The following FREM3 variants were observed in gnomAD, a reference collection of about 807,000 sequenced individuals.
FREM3 encodes FRAS1-related extracellular matrix protein 3.
A neutral mutation model predicts 129.1 loss-of-function variants in FREM3; 105 were observed. The ratio of observed to expected loss-of-function variants is 0.81; its 90% CI spans 0.69 to 0.96. The LOEUF (loss-of-function observed/expected upper bound fraction) is 0.96, where lower values mean the gene tolerates loss of function less well. FREM3 is among the 40% of genes least tolerant of loss of function. The pLI, the probability that FREM3 is intolerant of heterozygous loss-of-function variation, is 0.00. For synonymous variants in FREM3, 1,014 were observed against 1,044.9 expected, an observed-to-expected ratio of 0.97 and a Z score of 0.57; for missense variants, 2,593 against 2,666.3, an observed-to-expected ratio of 0.97 and a Z score of 0.61.
At position 143,697,454 on chromosome 4, in the gene FREM3, G is replaced by A. The variant is rs763555555; in HGVS notation, c.3222C>T (p.Val1074=). The A allele has an allele frequency of 2.9e-5, 44 of 1,537,058 alleles. No individual in the cohort carries two copies. Among genetic ancestry groups the A allele is most frequent in the Non-Finnish European group, 3.7e-5 (42 of 1,146,872 alleles). The change falls in exon 1 of 8, where the codon GTC becomes GTT. Residue 1074 remains valine (V), a synonymous_variant. Transcript: ENST00000329798. ...PVDNVGPKVF[V]GESFIVYEGE... The stretch of plus-strand genomic sequence containing the variant: ...CTTCATAGACAATGAAGGACTCCCC[G>A]ACGAAGACCTTGGGTCCCACATTGT...
intron 6 of FREM3, among the ~76,000 whole-genome samples, chr4:143,603,549 T>C (rs1738613906): frequency 6.6e-6 from 1 of 152,170 alleles, no homozygotes; most frequent in Non-Finnish European, 1.5e-5. Context: ...CTCAGTAGAA[T>C]GACATGTTTC....
intron 2 of FREM3, among the ~76,000 whole-genome samples, chr4:143,684,158 G>T (rs1740311514): frequency 6.6e-6 from 1 of 152,106 alleles, no homozygotes; most frequent in South Asian, 2.1e-4. Flanking sequence ...TACCACAGCT[G>T]ATGCTCTCTG....
intron 2 of FREM3, among the ~76,000 whole-genome samples, chr4:143,654,246 G>A (rs1240471818): frequency 6.6e-6 from 1 of 152,156 alleles, no homozygotes; most frequent in Non-Finnish European, 1.5e-5. Context: ...GGGATTACAG[G>A]TTTGTGCCAC....
Position 143,651,451 on chromosome 4 carries a change from G to A in FREM3, c.5276-23691C>T, listed in dbSNP as rs191286. The stretch of plus-strand genomic sequence containing the variant: ...CAAAGGTTTTGGATAAGATGGTTCA[G>A]AGTTTCACTGGCAAGCACTCCAGTG... On this transcript the variant is annotated intron_variant, in intron 2 of 7. Coordinates refer to ENST00000329798, the MANE Select transcript of FREM3 (RefSeq NM_001168235.2). Among the ~76,000 whole-genome samples the A allele has an allele frequency of 3.3e-5, 5 of 152,318 alleles. No homozygotes were observed. The South Asian group carries it at 1.0e-3, about 32-fold the overall frequency.
At position 143,697,003 on chromosome 4, in the gene FREM3, G is replaced by A. The variant is rs772059997; in HGVS notation, c.3673C>T (p.Pro1225Ser). Residue 1225 changes from proline to serine, a missense_variant, in exon 1 of 8, where the codon CCA (proline) becomes TCA (serine). Around this residue, in one of 2 missense-constraint regions of FREM3, gnomAD observed 2,276 missense variants for 2,267.2 expected, o/e 1.00. Transcript: ENST00000329798. ...GTGAGTTGAAAGTGGAGCTCATTTG[G>A]TGGCAGGTCAGCATCTGCTCCATTA... ...LLNGADADLP[P>S]NELHFQLTAL... 1 of 1,537,626 alleles carries A rather than the reference G, an allele frequency of 6.5e-7. No homozygotes were observed. Among genetic ancestry groups the A allele is most frequent in the Non-Finnish European group, 8.7e-7 (1 of 1,147,014 alleles).
At position 143,699,321 on chromosome 4, in the gene FREM3, G is replaced by A. The variant is rs1560878776; in HGVS notation, c.1355C>T (p.Ser452Phe). Residue 452 changes from serine to phenylalanine, a missense_variant, in exon 1 of 8, where the codon TCC becomes TTC. Physicochemically the swap from Ser to Phe is radical, Grantham distance 155. Transcript: ENST00000329798. The surrounding 1 kb of genome is among the most constrained non-coding windows in gnomAD (Gnocchi z 4.2). ...VLFEGQSRPL[S>F]STHSIPISDK... The stretch of plus-strand genomic sequence containing the variant: ...ACTGATAGGAATGCTGTGGGTGCTG[G>A]ACAAGGGCCTTGACTGACCTTCAAA... 6.5e-7 allele frequency: 1 copy of A among 1,537,366 alleles called. No individual in the cohort carries two copies. Among genetic ancestry groups the A allele is most frequent in the Admixed American group, 2.0e-5 (1 of 51,006 alleles).
intron 3 of FREM3, among the ~76,000 whole-genome samples, chr4:143,627,369 A>G (rs1479674433): frequency 6.6e-6 from 1 of 152,140 alleles, no homozygotes; most frequent in African/African-American, 2.4e-5. Context: ...GTGAGTTATA[A>G]AAGAGAGAAA....
chr4:143,629,647 AT>A (rs1353187800), intron 2 of FREM3, among the ~76,000 whole-genome samples: 89 of 152,254 alleles, frequency 5.8e-4, no homozygotes, highest in African/African-American at 1.7e-3. Context: ...ATCCCATGTC[AT>A]GACAATAGTT....
At chr4:143,684,544 C>T (rs531677107) in intron 2 of FREM3, among the ~76,000 whole-genome samples, 2 of 152,306 alleles carry the variant, frequency 1.3e-5, no homozygotes, top group East Asian at 3.9e-4. Flanking sequence ...ACAGAGGCTA[C>T]CCAAATGAGA....
At chr4:143,577,919 A>G in intron 7 of FREM3, 67 bp from the exon 8 acceptor site, 4 of 1,466,140 alleles carry the variant, frequency 2.7e-6, no homozygotes, top group Non-Finnish European at 3.6e-6. Flanking sequence ...TCAGAGAAAA[A>G]TGAGAGCTCT....
intron 2 of FREM3, among the ~76,000 whole-genome samples, chr4:143,627,971 T>C (rs1357907065): frequency 6.6e-6 from 1 of 152,160 alleles, no homozygotes; most frequent in African/African-American, 2.4e-5. Context: ...CTGCTTAATC[T>C]GGAGGGAGCC....
intron 2 of FREM3, among the ~76,000 whole-genome samples, chr4:143,687,878 C>T (rs1740396794): frequency 6.6e-6 from 1 of 152,074 alleles, no homozygotes; most frequent in African/African-American, 2.4e-5. Context: ...TAATAAAAGC[C>T]ATCTATGACA....
At chr4:143,676,344 CT>C (rs2149857527) in intron 2 of FREM3, among the ~76,000 whole-genome samples, 1 of 152,316 alleles carries the variant, frequency 6.6e-6, no homozygotes, top group African/African-American at 2.4e-5. Flanking sequence ...TTCAACAACC[CT>C]TCATGCTAAA....
At chr4:143,610,405 A>T (rs1379694107) in intron 6 of FREM3, among the ~76,000 whole-genome samples, 1 of 152,192 alleles carries the variant, frequency 6.6e-6, no homozygotes, top group Non-Finnish European at 1.5e-5. Flanking sequence ...TAAACTGTTC[A>T]GACTTTACAA....
chr4:143,699,938 G>C lies in FREM3; in HGVS notation c.738C>G (p.Leu246=). 1 of 1,533,170 alleles carries C rather than the reference G, an allele frequency of 6.5e-7. No homozygotes were observed. The allele number at this position is 1,533,170 out of a possible 1,614,324, so 95.0% of individuals were successfully genotyped here. Residue 246 remains leucine (L), a synonymous_variant, in exon 1 of 8, where the codon CTC becomes CTG. Transcript: ENST00000329798. The surrounding 1 kb of genome is among the most constrained non-coding windows in gnomAD (Gnocchi z 4.2). ...TGTGCTGATAGCGCACCCCAGCACGGAGGAAAGCCTCACAGTCTACGCCCT... is the reference window on the plus strand; with the variant it reads ...TGTGCTGATAGCGCACCCCAGCACGCAGGAAAGCCTCACAGTCTACGCCCT... ...RGKGVDCEAF[L]RAGVRYQHTA...
Position 143,695,477 on chromosome 4 carries a change from G to T in FREM3, c.5185+14C>A. On this transcript the variant is annotated intron_variant, in intron 1 of 7. Transcript: ENST00000329798. Reference sequence around the variant, plus strand: ...GGAGAGGGACAGAATAGGCAGGGAAGAATACATACTAACCTTGTGTAAACA... The same window carrying T: ...GGAGAGGGACAGAATAGGCAGGGAATAATACATACTAACCTTGTGTAAACA... 1 of 1,527,968 alleles carries T rather than the reference G, an allele frequency of 6.5e-7. No individual in the cohort carries two copies. Among genetic ancestry groups the T allele is most frequent in the Non-Finnish European group, 8.8e-7 (1 of 1,141,646 alleles). The allele number at this position is 1,527,968 out of a possible 1,614,324, so 94.7% of individuals were successfully genotyped here.
At chr4:143,683,355 C>T (rs1333457774) in intron 2 of FREM3, among the ~76,000 whole-genome samples, 1 of 152,196 alleles carries the variant, frequency 6.6e-6, no homozygotes, top group African/African-American at 2.4e-5. Context: ...CTGTGAGTGC[C>T]CCAACTATGG....
At chr4:143,652,050 C>T (rs13110009) in intron 2 of FREM3, among the ~76,000 whole-genome samples, 196 of 152,130 alleles carry the variant, frequency 1.3e-3, no homozygotes, top group Non-Finnish European at 2.1e-3. Flanking sequence ...TAATGTTACA[C>T]GCTGCCAGTT....
intron 6 of FREM3, among the ~76,000 whole-genome samples, chr4:143,589,645 CT>C (rs1194002172): frequency 6.6e-6 from 1 of 152,126 alleles, no homozygotes; most frequent in Non-Finnish European, 1.5e-5. Flanking sequence ...TTACTGTAGC[CT>C]TGTATTATAG....
Sources: allele counts gnomAD v4.1 joint callset (sites outside exome capture counted in the v4.1 genomes callset), GRCh38; gene constraint gnomAD v4.1.1; regional missense constraint gnomAD v4.1.1; non-coding constraint Gnocchi (gnomAD v3.1); transcripts MANE v1.5; gene names NCBI Gene and HGNC (gene_info 2026-07-23, HGNC 2026-07-21).